ARHGEF33: variants seen among roughly 807,000 people sequenced by gnomAD.
The protein encoded by ARHGEF33 is DH and coiled-coil domain-containing protein ENSP00000381780.
In ARHGEF33, 72 loss-of-function variants were observed where a neutral mutation model predicts 101.9. The observed-to-expected ratio is 0.71, with a 90% CI of 0.58 to 0.86. The LOEUF is 0.86. Among genes scored for constraint, ARHGEF33 ranks in the 40% least tolerant of loss-of-function variants. The pLI, the probability that ARHGEF33 is intolerant of heterozygous loss-of-function variation, is 0.00. For missense variants in ARHGEF33, 1,169 were observed against 1,111.3 expected (o/e 1.05, Z -0.74); for synonymous variants, 499 against 442.5 (o/e 1.13, Z -1.60).
intron 4 of ARHGEF33, among the ~76,000 whole-genome samples, chr2:38,924,987 T>C (rs1666840137): frequency 6.6e-6 from 1 of 152,156 alleles, no homozygotes; most frequent in African/African-American, 2.4e-5. Context: ...GGCAAATTCA[T>C]AGGATGGGAT....
At chr2:38,957,942 G>C (rs1333264172) in intron 14 of ARHGEF33, 92 bp from the exon 15 acceptor site, 2 of 1,435,138 alleles carry the variant, frequency 1.4e-6, no homozygotes, top group South Asian at 1.3e-5. Flanking sequence ...AACTTTATCT[G>C]AGACATCTCT....
chr2:38,907,947 C>A (rs909968819), intron 2 of ARHGEF33, among the ~76,000 whole-genome samples: 1 of 151,286 alleles, frequency 6.6e-6, no homozygotes, highest in Non-Finnish European at 1.5e-5. Context: ...CAGCCTTGAC[C>A]TCCTGGGCTC....
In ARHGEF33 at chr2:38,889,925, T is replaced by C. The variant is rs1390404979; in HGVS notation, c.-220T>C. On this transcript the variant is annotated 5_prime_UTR_variant, in exon 1 of 18. Transcript: ENST00000409978. The stretch of plus-strand genomic sequence containing the variant: ...ACTGCTTCTTTTTATAACCTTTAAG[T>C]TAATTCAGAACCCAGATAAGCCTTG... 4 of 470,924 alleles carry C rather than the reference T, an allele frequency of 8.5e-6. No homozygotes were observed. The highest frequency in any genetic ancestry group is 4.7e-5 in the Admixed American group (2 of 42,546). 29.2% of individuals were successfully genotyped at this position (470,924 alleles called of 1,614,324 possible).
intron 16 of ARHGEF33, among the ~76,000 whole-genome samples, chr2:38,961,689 C>T (rs890518695): frequency 9.9e-5 from 15 of 152,068 alleles, no homozygotes; most frequent in African/African-American, 3.6e-4. Flanking sequence ...ATAAACCAGT[C>T]TCTATCCTCC....
intron 4 of ARHGEF33, 94 bp from the exon 5 acceptor site, chr2:38,928,813 G>T (rs565325428): frequency 1.7e-6 from 2 of 1,189,918 alleles, no homozygotes; most frequent in South Asian, 3.4e-5. Flanking sequence ...TTTTCAGGAG[G>T]CTTGTTTCTC....
rs371860792 is a variant in ARHGEF33 at position 38,927,312 on chromosome 2, T to G, written c.76-1595T>G. Among the ~76,000 whole-genome samples the G allele has an allele frequency of 1.4e-4, 21 of 152,350 alleles. No homozygotes were observed. The East Asian group carries it at 2.9e-3, about 21-fold the overall frequency. The stretch of plus-strand genomic sequence containing the variant: ...GGTGCCATTGCAGGTGGGAATCATG[T>G]GCATGACCTTATTCTGAAAATGTTC... On this transcript the variant is annotated intron_variant, in intron 4 of 17. Transcript: ENST00000409978.
chr2:38,897,349 A>G (rs376641446), intron 2 of ARHGEF33, among the ~76,000 whole-genome samples: 1 of 152,372 alleles, frequency 6.6e-6, no homozygotes, highest in East Asian at 1.9e-4. Flanking sequence ...ATAAAAAAAC[A>G]GAGGAAGTTG....
At chr2:38,971,398 A>G (rs1226802159) in intron 17 of ARHGEF33, among the ~76,000 whole-genome samples, 1 of 152,150 alleles carries the variant, frequency 6.6e-6, no homozygotes, top group Non-Finnish European at 1.5e-5. Context: ...TGTCCCTACA[A>G]TGTCTGCTCA....
At chr2:38,915,603 C>G (rs1420139762) in intron 2 of ARHGEF33, among the ~76,000 whole-genome samples, 2 of 152,012 alleles carry the variant, frequency 1.3e-5, no homozygotes, top group Non-Finnish European at 2.9e-5. Context: ...AACTCCTGGC[C>G]TCAAGCTATC....
chr2:38,895,504 C>G (rs1036393828), intron 1 of ARHGEF33, among the ~76,000 whole-genome samples: 2 of 152,080 alleles, frequency 1.3e-5, no homozygotes, highest in Non-Finnish European at 2.9e-5. Context: ...TTTTTAAATA[C>G]ATAGAAATTT....
At chr2:38,967,860 G>GT (rs1283661808) in intron 17 of ARHGEF33, among the ~76,000 whole-genome samples, 1 of 150,344 alleles carries the variant, frequency 6.7e-6, no homozygotes, top group African/African-American at 2.5e-5. Flanking sequence ...GATTACAGGC[G>GT]TGAGCCACCG....
chr2:38,964,468 C>T (rs1312028799), intron 16 of ARHGEF33, among the ~76,000 whole-genome samples: 2 of 151,662 alleles, frequency 1.3e-5, no homozygotes, highest in Non-Finnish European at 2.9e-5. Context: ...TAATGTTAAT[C>T]TGTATTTGCA....
intron 17 of ARHGEF33, 84 bp downstream of exon 17, chr2:38,966,229 G>T (rs1470219440): frequency 6.8e-7 from 1 of 1,476,858 alleles, no homozygotes; most frequent in Non-Finnish European, 9.1e-7. Context: ...TAAGTATCAA[G>T]TAGCCTGGTC....
rs190203404 is a variant in ARHGEF33, at chr2:38,965,089, C to T, written c.2344-917C>T. On this transcript the variant is annotated intron_variant, in intron 16 of 17. Transcript: ENST00000409978. ...CCACCCTAACACTTTGCTTCTCTGTCAGCAAGCAGTCACCTATCTAATTCA... is the reference window on the plus strand; with the variant it reads ...CCACCCTAACACTTTGCTTCTCTGTTAGCAAGCAGTCACCTATCTAATTCA... 6.3e-4 allele frequency among the ~76,000 whole-genome samples: 96 copies of T among 151,772 alleles called. 1 individual carries two copies. Among genetic ancestry groups the T allele is most frequent in the African/African-American group, 2.2e-3 (90 of 41,452 alleles).
At chr2:38,954,182 G>T (rs576037102) in intron 12 of ARHGEF33, among the ~76,000 whole-genome samples, 191 bp from the exon 13 acceptor site, 18 of 152,352 alleles carry the variant, frequency 1.2e-4, no homozygotes, top group Non-Finnish European at 1.2e-4. Flanking sequence ...CTCCCTGAGG[G>T]AGAAGAGCTG....
In ARHGEF33 at chr2:38,905,383, A is replaced by G. The variant is rs149001135; in HGVS notation, c.-86+9534A>G. On this transcript the variant is annotated intron_variant, in intron 2 of 17. Coordinates refer to ENST00000409978, the MANE Select transcript of ARHGEF33 (RefSeq NM_001145451.5). ...GCTTTGGGGGCTGGAGGGCTGGGGA[A>G]GGGAGGCCATTGGTTGTGATATCAC... is the stretch of plus-strand genomic sequence containing the variant. Among the ~76,000 whole-genome samples the G allele has an allele frequency of 9.7e-3, 1,479 of 152,336 alleles. 13 individuals are homozygous for G. Among genetic ancestry groups the G allele is most frequent in the Middle Eastern group, 0.017 (5 of 294 alleles).
At chr2:38,931,025 C>G (rs1666987099) in intron 6 of ARHGEF33, 84 bp from the exon 7 acceptor site, 2 of 1,074,308 alleles carry the variant, frequency 1.9e-6, no homozygotes, top group Non-Finnish European at 2.6e-6. Context: ...CAGACATTTT[C>G]TTGAGTTGTT....
intron 5 of ARHGEF33, among the ~76,000 whole-genome samples, chr2:38,929,285 C>G (rs994994530): frequency 6.6e-6 from 1 of 151,944 alleles, no homozygotes; most frequent in African/African-American, 2.4e-5. Context: ...AAAAATTAGC[C>G]GGGTGTGGTG....
rs1047209443 is a variant in ARHGEF33 at position 38,932,645 on chromosome 2, C to T, written c.505+1394C>T. Among the ~76,000 whole-genome samples, 5 of 152,062 alleles carry T rather than the reference C, an allele frequency of 3.3e-5. No individual in the cohort carries two copies. In the East Asian group the frequency reaches 9.6e-4, roughly 29 times the overall value. On this transcript the variant is annotated intron_variant, in intron 7 of 17. Transcript: ENST00000409978. Reference sequence around the variant, plus strand: ...TAGGCTTAGAATGTAAAAGTCAGTTCAATGGCAGGTCTGGAGCAGCTAAAC... The same window carrying T: ...TAGGCTTAGAATGTAAAAGTCAGTTTAATGGCAGGTCTGGAGCAGCTAAAC...
Sources: allele counts gnomAD v4.1 joint callset (sites outside exome capture counted in the v4.1 genomes callset), GRCh38; gene constraint gnomAD v4.1.1; transcripts MANE v1.5; gene names NCBI Gene and HGNC (gene_info 2026-07-23, HGNC 2026-07-21).